Variants in BTAF1 observed in about 807,000 individuals in gnomAD.
The protein encoded by BTAF1 is B-TFIID TATA-box binding protein associated factor 1, also known as TATA-binding protein-associated factor 172.
BTAF1 carries 38 observed loss-of-function variants against 227.1 expected under a neutral mutation model. The ratio of observed to expected loss-of-function variants is 0.17; its 90% CI spans 0.13 to 0.22. The LOEUF is 0.22. Among genes scored for constraint, BTAF1 ranks in the 10% least tolerant of loss-of-function variants. BTAF1 has a pLI of 1.00. For synonymous variants in BTAF1, 742 were observed against 751.9 expected (o/e 0.99, Z 0.21); for missense variants, 1,598 against 2,204.0 (o/e 0.73, Z 5.51).
chr10:91,960,972 G>A (rs953982187), intron 11 of BTAF1, among the ~76,000 whole-genome samples: 1 of 152,164 alleles, frequency 6.6e-6, no homozygotes, highest in Non-Finnish European at 1.5e-5. Flanking sequence ...AATAAGTGCT[G>A]TGTAATCTAT....
chr10:91,999,902 TAAAG>T (rs764333472), intron 25 of BTAF1, among the ~76,000 whole-genome samples: 10 of 151,756 alleles, frequency 6.6e-5, no homozygotes, highest in Admixed American at 3.9e-4. Context: ...TAAAGAAAAA[TAAAG>T]AAATTACCAT....
intron 14 of BTAF1, among the ~76,000 whole-genome samples, chr10:91,971,820 C>CT (rs932352111): frequency 2.1e-5 from 3 of 142,972 alleles, no homozygotes; most frequent in African/African-American, 7.4e-5. Context: ...CACCTATTTC[C>CT]TTTTTTTAAA....
At chr10:92,020,345 T>C (rs1851040987) in intron 34 of BTAF1, among the ~76,000 whole-genome samples, 1 of 152,210 alleles carries the variant, frequency 6.6e-6, no homozygotes, top group African/African-American at 2.4e-5. Context: ...TTAAAAATTC[T>C]AGGATTTCAA....
rs537683709 is a variant in BTAF1 at position 92,013,296 on chromosome 10, T to A, written c.4312-371T>A. Reference sequence around the variant, plus strand: ...AAATTCTAATAGGTTGTTGTTGTTGTTGATGATGAAATGGTGATATTGGCC... The same window carrying A: ...AAATTCTAATAGGTTGTTGTTGTTGATGATGATGAAATGGTGATATTGGCC... On this transcript the variant is annotated intron_variant, in intron 30 of 37. Transcript: ENST00000265990. Among the ~76,000 whole-genome samples, 19 of 152,318 alleles carry A rather than the reference T, an allele frequency of 1.2e-4. No homozygotes were observed. The South Asian group carries it at 2.9e-3, about 23-fold the overall frequency.
At chr10:91,984,795 T>G (rs943887975) in intron 19 of BTAF1, among the ~76,000 whole-genome samples, 3 of 152,112 alleles carry the variant, frequency 2.0e-5, no homozygotes, top group Non-Finnish European at 4.4e-5. Context: ...TACATAACAC[T>G]CATACTTAAC....
At chr10:91,999,433 C>G (rs768316008) in intron 25 of BTAF1, among the ~76,000 whole-genome samples, 1 of 152,028 alleles carries the variant, frequency 6.6e-6, no homozygotes, top group Non-Finnish European at 1.5e-5. Context: ...GCTCTTGTTG[C>G]AACCAGGCTG....
In BTAF1 at chr10:91,959,970, G is replaced by A. The variant is rs202046430; in HGVS notation, c.1087-8G>A. 1.4e-4 allele frequency: 224 copies of A among 1,600,090 alleles called. 1 individual carries two copies. Among genetic ancestry groups the A allele is most frequent in the African/African-American group, 2.6e-4 (19 of 74,028 alleles). ...CAAATATGAGTTTTCTTCCTTTTTC[G>A]TCTGTAGGTTGTGGCACCAGTTCGT... On this transcript the variant is annotated splice_region_variant and splice_polypyrimidine_tract_variant and intron_variant, in intron 10 of 37. Transcript: ENST00000265990.
At chr10:91,969,215 A>G (rs1847126322) in intron 14 of BTAF1, among the ~76,000 whole-genome samples, 1 of 151,928 alleles carries the variant, frequency 6.6e-6, no homozygotes, top group African/African-American at 2.4e-5. Flanking sequence ...TTAGGTGATC[A>G]AGCCACCTGC....
At chr10:92,013,618 G>T (rs201442132) in intron 30 of BTAF1, 49 bp from the exon 31 acceptor site, 1 of 1,609,268 alleles carries the variant, frequency 6.2e-7, no homozygotes, top group East Asian at 2.2e-5. Flanking sequence ...TTTTTTAGTT[G>T]TAAGGAAATA....
In BTAF1 at chr10:91,984,374, T is replaced by G; in HGVS notation, c.2397T>G (p.Asn799Lys). The change falls in exon 19 of 38, where the codon AAT becomes AAG. Residue 799 changes from asparagine to lysine, a missense_variant. Asn to Lys is a moderately conservative substitution (Grantham distance 94). Coordinates refer to ENST00000265990, the MANE Select transcript of BTAF1 (RefSeq NM_003972.3). ...HIEVGNRVNN[N>K]VLTIDQASDL... ...AAGTTGGTAATCGAGTAAACAACAATGTTTTAACAATAGATCAAGCTAGTG... is the reference window on the plus strand; with the variant it reads ...AAGTTGGTAATCGAGTAAACAACAAGGTTTTAACAATAGATCAAGCTAGTG... 1 of 1,612,036 alleles carries G rather than the reference T, an allele frequency of 6.2e-7. No homozygotes were observed.
rs1353803022 is a variant in BTAF1, at chr10:92,018,947, T to C, written c.4863+12T>C. 1 of 1,521,578 alleles carries C rather than the reference T, an allele frequency of 6.6e-7. No homozygotes were observed. The allele number at this position is 1,521,578 out of a possible 1,614,324, so 94.3% of individuals were successfully genotyped here. A position where few individuals can be genotyped will look rare whatever the true frequency, so the allele number is the denominator to read the frequency against. Reference sequence around the variant, plus strand: ...CAGCTTTGAAACAAGTATGTATGTCTTTTAAGTGTTAAATGTGTGTTGTAC... The same window carrying C: ...CAGCTTTGAAACAAGTATGTATGTCCTTTAAGTGTTAAATGTGTGTTGTAC... On this transcript the variant is annotated intron_variant, in intron 34 of 37. Transcript: ENST00000265990.
At chr10:91,934,317 C>T (rs1844456659) in intron 1 of BTAF1, among the ~76,000 whole-genome samples, 2 of 152,058 alleles carry the variant, frequency 1.3e-5, no homozygotes, top group Admixed American at 6.5e-5. Flanking sequence ...TCATTACAAC[C>T]TCTGCCTCCC....
intron 1 of BTAF1, 59 bp from the exon 2 acceptor site, chr10:91,935,598 A>C (rs1844554950): frequency 1.3e-6 from 2 of 1,580,676 alleles, no homozygotes; most frequent in Middle Eastern, 1.7e-4. Context: ...TTATTGACTT[A>C]AACTTGTACA....
chr10:91,962,893 A>G (rs142055206), intron 12 of BTAF1, among the ~76,000 whole-genome samples: 8 of 152,182 alleles, frequency 5.3e-5, no homozygotes, highest in Non-Finnish European at 1.2e-4. Context: ...CATAATATAT[A>G]GGGAACTTCC....
Position 91,964,143 on chromosome 10 carries a change from A to G in BTAF1, c.1471A>G (p.Asn491Asp). 6.2e-7 allele frequency: 1 copy of G among 1,613,040 alleles called. No homozygotes were observed. The change falls in exon 13 of 38, where the codon AAT becomes GAT. Residue 491 changes from asparagine to aspartate, a missense_variant. Physicochemically the swap from Asn to Asp is conservative, Grantham distance 23 (BLOSUM62 1). Around this residue, in one of 10 missense-constraint regions of BTAF1, gnomAD observed 318 missense variants for 435.0 expected, o/e 0.73. Coordinates refer to ENST00000265990, the MANE Select transcript of BTAF1 (RefSeq NM_003972.3). ...ATTAGATGATCTAACAGCTTCAACA[A>G]ATAGTATTATGACTCTCCTTTCATC... ...LELDDLTAST[N>D]SIMTLLSSLL...
At chr10:92,020,272 G>A (rs1015043961) in intron 34 of BTAF1, among the ~76,000 whole-genome samples, 2 of 151,768 alleles carry the variant, frequency 1.3e-5, no homozygotes, top group Non-Finnish European at 2.9e-5. Context: ...ATTTTACTTG[G>A]AACTGCATAC....
At chr10:91,933,983 A>G (rs968736289) in intron 1 of BTAF1, among the ~76,000 whole-genome samples, 1 of 152,182 alleles carries the variant, frequency 6.6e-6, no homozygotes, top group East Asian at 1.9e-4. Flanking sequence ...TGGTCCTACT[A>G]TCTGTCTGAC....
intron 19 of BTAF1, among the ~76,000 whole-genome samples, chr10:91,988,674 G>C (rs1458698260): frequency 6.6e-6 from 1 of 152,176 alleles, no homozygotes; most frequent in East Asian, 1.9e-4. Flanking sequence ...GTTAAAGAAA[G>C]AAAGAGAATG....
chr10:91,966,806 T>C, intron 14 of BTAF1, 49 bp downstream of exon 14: 1 of 1,544,218 alleles, frequency 6.5e-7, no homozygotes, highest in Non-Finnish European at 8.8e-7. Context: ...AAATTAATTT[T>C]ATAAAATAAA....
Sources: allele counts gnomAD v4.1 joint callset (sites outside exome capture counted in the v4.1 genomes callset), GRCh38; gene constraint gnomAD v4.1.1; regional missense constraint gnomAD v4.1.1; transcripts MANE v1.5; gene names NCBI Gene and HGNC (gene_info 2026-07-23, HGNC 2026-07-21).